The following AIG1 variants were observed in gnomAD, a reference collection of about 807,000 sequenced individuals.
AIG1 encodes the protein androgen-induced gene 1 protein.
In AIG1, 23 loss-of-function variants were observed where a neutral mutation model predicts 31.4. That is an observed-to-expected ratio of 0.73 (90% CI 0.53 to 1.04). The LOEUF is 1.04. AIG1 is among the 50% of genes least tolerant of loss of function. AIG1 has a pLI of 0.00. For synonymous variants in AIG1, 100 were observed against 110.5 expected, an observed-to-expected ratio of 0.90 and a Z score of 0.60; for missense variants, 274 against 295.0, an observed-to-expected ratio of 0.93 and a Z score of 0.52.
intron 5 of AIG1, among the ~76,000 whole-genome samples, chr6:143,336,053 A>AT (rs1424438652): frequency 6.6e-6 from 1 of 152,142 alleles, no homozygotes; most frequent in African/African-American, 2.4e-5. Context: ...ACTCAGTCAC[A>AT]TTAGCTGCCT....
chr6:143,181,057 TAC>T (rs1243005270), intron 3 of AIG1, among the ~76,000 whole-genome samples: 1 of 152,176 alleles, frequency 6.6e-6, no homozygotes, highest in Non-Finnish European at 1.5e-5. Context: ...AGCTCTGGGA[TAC>T]ACAGATTGTG....
chr6:143,067,863 T>G (rs1211641753), intron 1 of AIG1, among the ~76,000 whole-genome samples: 3 of 152,238 alleles, frequency 2.0e-5, no homozygotes, highest in African/African-American at 7.2e-5. Context: ...AAATTGCAAT[T>G]TTTTTCTTCA....
chr6:143,203,751 C>T (rs9496537), intron 3 of AIG1, among the ~76,000 whole-genome samples: 1,533 of 152,278 alleles, frequency 0.01, 16 homozygotes, highest in African/African-American at 0.034. Context: ...CCTTGAGATG[C>T]TGTATCATGG....
At position 143,326,150 on chromosome 6, in the gene AIG1, CT is replaced by C. The variant is rs1776593588; in HGVS notation, c.516-7131del. ...TCTGATACAATTGGTTCAGCTCAAT[CT>C]GATCTATTTCAGATTTATTTATTTT... On this transcript the variant is annotated intron_variant, in intron 4 of 5. Coordinates refer to ENST00000357847, the MANE Select transcript of AIG1 (RefSeq NM_016108.4). This position sits in a 1 kb window ranked among gnomAD's most constrained non-coding sequence, Gnocchi z 4.5. Among the ~76,000 whole-genome samples the C allele has an allele frequency of 6.6e-6, 1 of 152,224 alleles. No homozygotes were observed. Among genetic ancestry groups the C allele is most frequent in the Admixed American group, 6.5e-5 (1 of 15,280 alleles).
rs181500640 is a variant in AIG1 at position 143,311,887 on chromosome 6, A to C, written c.516-21395A>C. On this transcript the variant is annotated intron_variant, in intron 4 of 5. Coordinates refer to ENST00000357847, the MANE Select transcript of AIG1 (RefSeq NM_016108.4). ...GTTGCAGGATACAAAATCAACATAC[A>C]AAAATCAGTAGCATTTCAATATGCC... Among the ~76,000 whole-genome samples the C allele has an allele frequency of 9.9e-3, 1,505 of 152,202 alleles. 77 individuals carry two copies. Among genetic ancestry groups the C allele is most frequent in the Admixed American group, 0.094 (1,431 of 15,270 alleles).
rs1776563953 is a variant in AIG1, at chr6:143,325,817, G to A, written c.516-7465G>A. 6.6e-6 allele frequency among the ~76,000 whole-genome samples: 1 copy of A among 152,124 alleles called. No individual in the cohort carries two copies. The highest frequency in any genetic ancestry group is 6.5e-5 in the Admixed American group (1 of 15,274). On this transcript the variant is annotated intron_variant, in intron 4 of 5. Transcript: ENST00000357847. This position sits in a 1 kb window ranked among gnomAD's most constrained non-coding sequence, Gnocchi z 4.3. ...TTCACTTCTGTTACTGTTTTAAAAT[G>A]CTAGTAACAGTGAGTTACTGACAAA...
chr6:143,306,835 C>T (rs1336668608), intron 4 of AIG1, among the ~76,000 whole-genome samples: 1 of 152,198 alleles, frequency 6.6e-6, no homozygotes, highest in Non-Finnish European at 1.5e-5. Context: ...CTTTCAGGTA[C>T]ACCAATCAGA....
At chr6:143,264,885 T>C (rs75153992) in intron 3 of AIG1, among the ~76,000 whole-genome samples, 6 of 152,226 alleles carry the variant, frequency 3.9e-5, no homozygotes, top group Admixed American at 1.3e-4. Context: ...CCTTTTTATT[T>C]ATGCCACCCA....
intron 3 of AIG1, among the ~76,000 whole-genome samples, chr6:143,166,435 T>C (rs1330772732): frequency 6.6e-6 from 1 of 152,192 alleles, no homozygotes; most frequent in Non-Finnish European, 1.5e-5. Flanking sequence ...TCTCAGTCTT[T>C]CCTGACAAAT....
chr6:143,068,742 G>A (rs995771057), intron 1 of AIG1, among the ~76,000 whole-genome samples: 1 of 150,326 alleles, frequency 6.7e-6, no homozygotes, highest in African/African-American at 2.5e-5. Context: ...CTTCAGGATG[G>A]TATTTATTTT....
intron 2 of AIG1, among the ~76,000 whole-genome samples, chr6:143,163,213 T>C (rs574259973): frequency 6.6e-6 from 1 of 152,292 alleles, no homozygotes; most frequent in East Asian, 1.9e-4. Flanking sequence ...TCAGCCCTAA[T>C]TGGTTTGGTG....
chr6:143,306,481 A>G (rs1020346797), intron 4 of AIG1, among the ~76,000 whole-genome samples: 1 of 152,158 alleles, frequency 6.6e-6, no homozygotes, highest in African/African-American at 2.4e-5. Flanking sequence ...GCCTTCACTT[A>G]TGAAGCTTAG....
chr6:143,272,232 T>A (rs1423942945), intron 3 of AIG1, among the ~76,000 whole-genome samples: 1 of 152,146 alleles, frequency 6.6e-6, no homozygotes, highest in Non-Finnish European at 1.5e-5. Context: ...GAGCTGACCT[T>A]ATGGAATAGT....
chr6:143,227,774 A>C (rs1793116136), intron 3 of AIG1, among the ~76,000 whole-genome samples: 1 of 152,192 alleles, frequency 6.6e-6, no homozygotes, highest in South Asian at 2.1e-4. Context: ...ATCTACTATC[A>C]GGGTGCACAT....
chr6:143,287,945 G>A (rs907983396), intron 4 of AIG1, among the ~76,000 whole-genome samples: 7 of 151,774 alleles, frequency 4.6e-5, no homozygotes, highest in Non-Finnish European at 7.4e-5. Context: ...CAACTCTAAG[G>A]GATATGAAAA....
At chr6:143,278,831 G>C (rs953293312) in intron 3 of AIG1, among the ~76,000 whole-genome samples, 5 of 151,972 alleles carry the variant, frequency 3.3e-5, no homozygotes, top group Non-Finnish European at 7.4e-5. Context: ...ACACAGATAG[G>C]GGAGGCCTCA....
intron 1 of AIG1, among the ~76,000 whole-genome samples, chr6:143,113,615 CA>C (rs1036365827): frequency 4.8e-5 from 7 of 145,378 alleles, no homozygotes; most frequent in South Asian, 2.3e-4. Flanking sequence ...AAAAAAAAAA[CA>C]AAAAAAAAGT....
At chr6:143,110,468 T>C (rs937112716) in intron 1 of AIG1, among the ~76,000 whole-genome samples, 5 of 152,200 alleles carry the variant, frequency 3.3e-5, no homozygotes, top group African/African-American at 1.2e-4. Context: ...TTAAGTCTTC[T>C]TTCACCTTGT....
intron 3 of AIG1, among the ~76,000 whole-genome samples, chr6:143,233,917 AT>A (rs1261002209): frequency 6.6e-6 from 1 of 152,118 alleles, no homozygotes; most frequent in Non-Finnish European, 1.5e-5. Context: ...AATAATTGTT[AT>A]TTTTTTCTCT....
Sources: gnomAD v4.1 joint callset for allele counts (sites outside exome capture counted in the v4.1 genomes callset) on GRCh38, gnomAD v4.1.1 for gene constraint, Gnocchi (gnomAD v3.1) non-coding constraint, MANE v1.5 for transcripts, NCBI Gene and HGNC (gene_info 2026-07-23, HGNC 2026-07-21) for gene names.